EMC8: variants seen among roughly 807,000 people sequenced by gnomAD.
EMC8 encodes ER membrane protein complex subunit 8, also known as COX4 neighbor.
A neutral mutation model predicts 24.3 loss-of-function variants in EMC8; 11 were observed. The ratio of observed to expected loss-of-function variants is 0.45; its 90% CI spans 0.28 to 0.75. The LOEUF is 0.75. EMC8 is among the 30% of genes least tolerant of loss of function. The pLI, the probability that EMC8 is intolerant of heterozygous loss-of-function variation, is 0.12. For synonymous variants in EMC8, 145 were observed against 117.7 expected (o/e 1.23, Z -1.50); for missense variants, 277 against 282.7 (o/e 0.98, Z 0.14).
At chr16:85,781,680 G>T in intron 2 of EMC8, 1 of 168,710 alleles carries the variant, frequency 5.9e-6, no homozygotes. Flanking sequence ...TTCAACTCCT[G>T]GCCTCAAGCA....
At chr16:85,782,979 C>T (rs577729118) in intron 2 of EMC8, among the ~76,000 whole-genome samples, 10 of 152,290 alleles carry the variant, frequency 6.6e-5, no homozygotes, top group Admixed American at 2.0e-4. Context: ...ATAATTTCTA[C>T]GGTCACTCGC....
intron 4 of EMC8, 74 bp downstream of exon 4, chr16:85,780,305 C>A (rs1378319343): frequency 9.5e-7 from 1 of 1,047,984 alleles, no homozygotes; most frequent in Non-Finnish European, 1.5e-6. Context: ...AAAACACAGG[C>A]GGGGTGAGAG....
chr16:85,788,724 C>G (rs1904868164), intron 2 of EMC8, among the ~76,000 whole-genome samples: 1 of 152,246 alleles, frequency 6.6e-6, no homozygotes, highest in African/African-American at 2.4e-5. Flanking sequence ...CTGTCGCTTT[C>G]ATTGTATGAA....
chr16:85,799,237 T>C lies in EMC8; in HGVS notation c.59A>G (p.Lys20Arg), dbSNP rs1230614671. 1 of 1,613,088 alleles carries C rather than the reference T, an allele frequency of 6.2e-7. No individual in the cohort carries two copies. Among genetic ancestry groups the C allele is most frequent in the Non-Finnish European group, 8.5e-7 (1 of 1,179,876 alleles). ...CCCGTTGACGGCGCAGTGCGGGTAC[T>C]TGGCGCCGTGCAGCACCATCTTGCA... The part of the protein sequence containing the change: ...AYCKMVLHGA[K>R]YPHCAVNGLL... Residue 20 changes from lysine (K) to arginine (R), a missense_variant, in exon 1 of 5, where the codon AAG (lysine) becomes AGG (arginine). Lys to Arg is a conservative substitution (Grantham distance 26, BLOSUM62 2). Coordinates refer to ENST00000253457, the MANE Select transcript of EMC8 (RefSeq NM_006067.5). The surrounding 1 kb of genome is among the most constrained non-coding windows in gnomAD (Gnocchi z 4.2).
chr16:85,796,191 C>A (rs1484173728), intron 1 of EMC8, among the ~76,000 whole-genome samples: 1 of 152,080 alleles, frequency 6.6e-6, no homozygotes, highest in East Asian at 1.9e-4. Flanking sequence ...TTAACATACC[C>A]CAAACAGAAG....
intron 2 of EMC8, among the ~76,000 whole-genome samples, chr16:85,782,184 C>G (rs776959840): frequency 6.6e-6 from 1 of 152,350 alleles, no homozygotes; most frequent in African/African-American, 2.4e-5. Context: ...TCCATCTGCA[C>G]GCTAGCAAAG....
chr16:85,796,881 G>C (rs989206263), intron 1 of EMC8, among the ~76,000 whole-genome samples: 6 of 152,232 alleles, frequency 3.9e-5, no homozygotes, highest in African/African-American at 1.2e-4. Flanking sequence ...AGCTCCGCCT[G>C]TGAGGTTTAG....
intron 2 of EMC8, among the ~76,000 whole-genome samples, chr16:85,787,805 G>A (rs573318579): frequency 5.5e-4 from 84 of 152,318 alleles, no homozygotes; most frequent in African/African-American, 1.7e-3. Context: ...AGGATCCTGT[G>A]CCTGGACCCA....
At chr16:85,797,102 C>G (rs1284203513) in intron 1 of EMC8, among the ~76,000 whole-genome samples, 1 of 152,208 alleles carries the variant, frequency 6.6e-6, no homozygotes, top group African/African-American at 2.4e-5. Context: ...CTCTTGACAA[C>G]AGAACAATTA....
Position 85,787,358 on chromosome 16 carries a change from G to A in EMC8, c.308+1616C>T, listed in dbSNP as rs149891791. 1.5e-3 allele frequency among the ~76,000 whole-genome samples: 234 copies of A among 152,266 alleles called. 1 individual carries two copies. The highest frequency in any genetic ancestry group is 5.2e-3 in the African/African-American group (217 of 41,548). ...TCATCCTACCAGGTCTAAGTCTCCCGGCCCCTGCCACCAAGCCCCCTGCAG... is the reference window on the plus strand; with the variant it reads ...TCATCCTACCAGGTCTAAGTCTCCCAGCCCCTGCCACCAAGCCCCCTGCAG... On this transcript the variant is annotated intron_variant, in intron 2 of 4. Coordinates refer to ENST00000253457, the MANE Select transcript of EMC8 (RefSeq NM_006067.5).
At chr16:85,794,807 G>T (rs1193454758) in intron 1 of EMC8, among the ~76,000 whole-genome samples, 1 of 152,010 alleles carries the variant, frequency 6.6e-6, no homozygotes, top group Admixed American at 6.6e-5. Context: ...GGACTCATGT[G>T]GTGGGGGGAG....
At chr16:85,794,916 G>A (rs1272279881) in intron 1 of EMC8, among the ~76,000 whole-genome samples, 6 of 152,164 alleles carry the variant, frequency 3.9e-5, no homozygotes, top group Non-Finnish European at 8.8e-5. Flanking sequence ...GCCCTCTCAC[G>A]CTCAGGTAGC....
At chr16:85,783,857 C>G (rs1597201220) in intron 2 of EMC8, among the ~76,000 whole-genome samples, 1 of 152,198 alleles carries the variant, frequency 6.6e-6, no homozygotes, top group African/African-American at 2.4e-5. Flanking sequence ...ACCCCCTGCC[C>G]TGCTGGAGTT....
chr16:85,790,633 C>T lies in EMC8; in HGVS notation c.232-1583G>A, dbSNP rs145275674. On this transcript the variant is annotated intron_variant, in intron 1 of 4. Transcript: ENST00000253457. ...CCCTGATGAGCTGATCCTTGAGCAC[C>T]GTGCTCCCAGCCTTCATGTGCCATC... is the stretch of plus-strand genomic sequence containing the variant. Among the ~76,000 whole-genome samples the T allele has an allele frequency of 5.6e-3, 850 of 152,260 alleles. 12 individuals are homozygous for T. The highest frequency in any genetic ancestry group is 0.019 in the African/African-American group (803 of 41,546).
intron 3 of EMC8, 133 bp downstream of exon 3, chr16:85,781,078 G>C (rs1208651210): frequency 4.6e-6 from 3 of 649,898 alleles, no homozygotes; most frequent in Admixed American, 4.9e-5. Context: ...AGAGAAAACT[G>C]CAAGAGGCGG....
chr16:85,795,474 G>A (rs1288707248), intron 1 of EMC8, among the ~76,000 whole-genome samples: 4 of 152,138 alleles, frequency 2.6e-5, no homozygotes, highest in African/African-American at 4.8e-5. Flanking sequence ...CCTCAGGGGC[G>A]CTAGGACCCC....
At chr16:85,781,324 A>G in intron 2 of EMC8, 44 bp from the exon 3 acceptor site, 1 of 1,255,644 alleles carries the variant, frequency 8.0e-7, no homozygotes, top group Non-Finnish European at 1.2e-6. Flanking sequence ...ATGCCATTCA[A>G]CACTGTTTAC....
At chr16:85,783,012 A>G (rs778273183) in intron 2 of EMC8, among the ~76,000 whole-genome samples, 3 of 152,198 alleles carry the variant, frequency 2.0e-5, no homozygotes, top group Non-Finnish European at 4.4e-5. Flanking sequence ...TTAAAGAGAC[A>G]GGGTCGGCTG....
intron 1 of EMC8, among the ~76,000 whole-genome samples, chr16:85,790,673 T>G (rs1904965402): frequency 6.6e-6 from 1 of 152,194 alleles, no homozygotes; most frequent in Non-Finnish European, 1.5e-5. Flanking sequence ...GCCGGCCTCC[T>G]GAGTGTGTCC....
Sources: allele counts gnomAD v4.1 joint callset (sites outside exome capture counted in the v4.1 genomes callset), GRCh38; gene constraint gnomAD v4.1.1; non-coding constraint Gnocchi (gnomAD v3.1); transcripts MANE v1.5; gene names NCBI Gene and HGNC (gene_info 2026-07-23, HGNC 2026-07-21).